CCDC66: variants seen among roughly 807,000 people sequenced by gnomAD.
The protein encoded by CCDC66 is coiled-coil domain containing 66.
In CCDC66, 133 loss-of-function variants were observed where a neutral mutation model predicts 128.3. That is an observed-to-expected ratio of 1.04 (90% CI 0.90 to 1.20). CCDC66 has a LOEUF of 1.20. Ranked by LOEUF, CCDC66 falls within the 50% of genes most tolerant of loss-of-function variation. The probability of loss-of-function intolerance (pLI) is 0.00; values close to 1 mark genes in which losing one functional copy is unlikely to be tolerated. For missense variants in CCDC66, 1,126 were observed against 1,075.5 expected, an observed-to-expected ratio of 1.05 and a Z score of -0.66; for synonymous variants, 387 against 357.0, an observed-to-expected ratio of 1.08 and a Z score of -0.95.
At chr3:56,605,083 C>T (rs2073875904) in intron 10 of CCDC66, among the ~76,000 whole-genome samples, 1 of 152,036 alleles carries the variant, frequency 6.6e-6, no homozygotes, top group Admixed American at 6.6e-5. Flanking sequence ...CTTGTGTATG[C>T]TTCACAAGGT....
At chr3:56,619,580 CCG>C (rs869167267) in intron 16 of CCDC66, 53 bp downstream of exon 16, 6 of 1,475,974 alleles carry the variant, frequency 4.1e-6, no homozygotes, top group Non-Finnish European at 5.3e-6. Flanking sequence ...CATGTAAACC[CCG>C]TCAACAACTT....
chr3:56,620,029 C>G, intron 17 of CCDC66, 128 bp downstream of exon 17: 1 of 997,584 alleles, frequency 1.0e-6, no homozygotes, highest in South Asian at 1.9e-5. Flanking sequence ...ATTTCAGTTC[C>G]TGTATGTTTG....
rs2107416648 is a variant in CCDC66 at position 56,618,180 on chromosome 3, G to A, written c.2346G>A (p.Glu782=). 6.2e-7 allele frequency: 1 copy of A among 1,612,020 alleles called. No homozygotes were observed. Among genetic ancestry groups the A allele is most frequent in the Non-Finnish European group, 8.5e-7 (1 of 1,178,194 alleles). The change falls in exon 15 of 18, where the codon GAG becomes GAA. Residue 782 remains glutamate, a synonymous_variant. Transcript: ENST00000394672. ...ATCTATCCATATTTTAGGAAGAAGAGCCTCTGAATATTCATTCATTCAGCA... is the reference window on the plus strand; with the variant it reads ...ATCTATCCATATTTTAGGAAGAAGAACCTCTGAATATTCATTCATTCAGCA... ...LRWHLVKKEE[E]PLNIHSFSKE...
At chr3:56,613,986 C>T (rs1176920969) in intron 11 of CCDC66, among the ~76,000 whole-genome samples, 1 of 152,208 alleles carries the variant, frequency 6.6e-6, no homozygotes, top group Non-Finnish European at 1.5e-5. Flanking sequence ...TCACTATGTT[C>T]AAGCGATCCT....
rs753875788 is a variant in CCDC66, at chr3:56,597,776, G to GTTTTTTTTTTTTTTTTTTTTTT, written c.1404+3748_1404+3749insTTTTTTTTTTTTTTTTTTTTTT. Reference sequence around the variant, plus strand: ...TTGTGGAGTCTAGGTTTTGTTTTGGGGTTTTTTTTTTTTTTTGAGACAGAG... The same window carrying GTTTTTTTTTTTTTTTTTTTTTT: ...TTGTGGAGTCTAGGTTTTGTTTTGGGTTTTTTTTTTTTTTTTTTTTTTGTTTTTTTTTTTTTTTGAGACAGAG... On this transcript the variant is annotated intron_variant, in intron 10 of 17. Coordinates refer to ENST00000394672, the MANE Select transcript of CCDC66 (RefSeq NM_001141947.3). 5.1e-3 allele frequency among the ~76,000 whole-genome samples: 313 copies of GTTTTTTTTTTTTTTTTTTTTTT among 61,680 alleles called. 50 individuals carry two copies. The highest frequency in any genetic ancestry group is 5.5e-3 in the Admixed American group (20 of 3,604). 40.5% of individuals were successfully genotyped at this position (61,680 alleles called of 152,430 possible).
At chr3:56,597,877 C>T (rs754224542) in intron 10 of CCDC66, among the ~76,000 whole-genome samples, 6 of 146,550 alleles carry the variant, frequency 4.1e-5, no homozygotes, top group Non-Finnish European at 7.4e-5. Flanking sequence ...CAGGTTCAAG[C>T]GATTCTCCTG....
intron 4 of CCDC66, among the ~76,000 whole-genome samples, chr3:56,565,816 G>A (rs901987897): frequency 2.0e-5 from 3 of 150,298 alleles, no homozygotes; most frequent in East Asian, 4.0e-4. Flanking sequence ...ACAGGCGCCC[G>A]CCACCACGCC....
At chr3:56,618,092 A>T in intron 14 of CCDC66, 80 bp from the exon 15 acceptor site, 1 of 1,098,512 alleles carries the variant, frequency 9.1e-7, no homozygotes, top group Non-Finnish European at 1.4e-6. Flanking sequence ...GACTATTTCA[A>T]CAAGTAGCCC....
Position 56,587,762 on chromosome 3 carries a change from A to C in CCDC66, c.937-5208A>C, listed in dbSNP as rs938913201. ...CAGGCGCCTGTAATCCCAGCTACTCAGGAGGCTGAGGCAGGAGAATTGCTT... is the reference window on the plus strand; with the variant it reads ...CAGGCGCCTGTAATCCCAGCTACTCCGGAGGCTGAGGCAGGAGAATTGCTT... On this transcript the variant is annotated intron_variant, in intron 7 of 17. Coordinates refer to ENST00000394672, the MANE Select transcript of CCDC66 (RefSeq NM_001141947.3). Among the ~76,000 whole-genome samples the C allele has an allele frequency of 2.0e-5, 3 of 152,110 alleles. No individual in the cohort carries two copies. In the East Asian group the frequency reaches 5.8e-4, roughly 29 times the overall value.
In CCDC66 at chr3:56,571,083, G is replaced by C. The variant is rs1413442236; in HGVS notation, c.815-98G>C. On this transcript the variant is annotated intron_variant, in intron 6 of 17. Transcript: ENST00000394672. ...CCTTCCTAAAAAAGAGTTTTGATTA[G>C]ATCTGTGTTGGTATCTGCATTAAGA... is the stretch of plus-strand genomic sequence containing the variant. The C allele has an allele frequency of 8.6e-6, 7 of 815,438 alleles. No individual in the cohort carries two copies. In the East Asian group the frequency reaches 1.8e-4, roughly 21 times the overall value. 50.5% of individuals were successfully genotyped at this position (815,438 alleles called of 1,614,324 possible).
chr3:56,578,560 CTTA>C (rs2067781812), intron 7 of CCDC66, among the ~76,000 whole-genome samples: 1 of 151,640 alleles, frequency 6.6e-6, no homozygotes, highest in Non-Finnish European at 1.5e-5. Context: ...ATAAGTAGCT[CTTA>C]TTATTTTGAG....
At chr3:56,562,888 C>T (rs997241613) in intron 3 of CCDC66, among the ~76,000 whole-genome samples, 1 of 151,528 alleles carries the variant, frequency 6.6e-6, no homozygotes, top group Admixed American at 6.6e-5. Flanking sequence ...CTCAGGCAAT[C>T]CACCCACCTC....
intron 4 of CCDC66, 91 bp from the exon 5 acceptor site, chr3:56,566,503 G>A (rs10865997): frequency 0.8 from 616,818 of 772,508 alleles, 250,449 homozygotes; most frequent in Non-Finnish European, 0.85. Flanking sequence ...TAAGTAACGT[G>A]TAAGACATGT....
chr3:56,578,122 G>A (rs755829953), intron 7 of CCDC66, among the ~76,000 whole-genome samples: 5 of 151,554 alleles, frequency 3.3e-5, no homozygotes, highest in South Asian at 2.1e-4. Context: ...TTCTTGAAGC[G>A]GTCCTTCACA....
At chr3:56,584,662 G>A (rs975622919) in intron 7 of CCDC66, among the ~76,000 whole-genome samples, 19 of 151,884 alleles carry the variant, frequency 1.3e-4, no homozygotes, top group Non-Finnish European at 2.6e-4. Context: ...CAGCCAGGCA[G>A]AGACGCTCCT....
At chr3:56,594,333 T>C (rs1018044322) in intron 10 of CCDC66, among the ~76,000 whole-genome samples, 4 of 151,934 alleles carry the variant, frequency 2.6e-5, no homozygotes, top group African/African-American at 4.8e-5. Flanking sequence ...TCCTGAGTTC[T>C]GTTTAAGATG....
intron 10 of CCDC66, among the ~76,000 whole-genome samples, chr3:56,597,230 G>A (rs6805474): frequency 0.11 from 17,017 of 151,966 alleles, 1,324 homozygotes; most frequent in Admixed American, 0.16. Flanking sequence ...TTTATTTCTG[G>A]ATTCCCTATT....
chr3:56,584,216 G>C (rs1169089226), intron 7 of CCDC66, among the ~76,000 whole-genome samples: 1 of 148,944 alleles, frequency 6.7e-6, no homozygotes, highest in Non-Finnish European at 1.5e-5. Context: ...CTTCCCAGAC[G>C]GGGTGGCTGC....
At chr3:56,565,849 G>A (rs1370016063) in intron 4 of CCDC66, among the ~76,000 whole-genome samples, 1 of 151,660 alleles carries the variant, frequency 6.6e-6, no homozygotes, top group African/African-American at 2.4e-5. Flanking sequence ...TGTATTTTTA[G>A]TAGAGACGGG....
Sources: gnomAD v4.1 joint callset for allele counts (sites outside exome capture counted in the v4.1 genomes callset) on GRCh38, gnomAD v4.1.1 for gene constraint, MANE v1.5 for transcripts, NCBI Gene and HGNC (gene_info 2026-07-23, HGNC 2026-07-21) for gene names.